Variants in GNAS-AS1 observed in about 807,000 individuals in gnomAD.
The protein encoded by GNAS-AS1 is GNAS antisense RNA 1 (non-protein coding).
chr20:58,845,709 G>A (rs532767719), intron 2 of GNAS-AS1, among the ~76,000 whole-genome samples: 2 of 152,132 alleles, frequency 1.3e-5, no homozygotes, highest in Non-Finnish European at 2.9e-5. Flanking sequence ...TTTTTCAAAC[G>A]CCTCCAATAG....
intron 2 of GNAS-AS1, among the ~76,000 whole-genome samples, chr20:58,844,413 G>A (rs976729825): frequency 1.3e-5 from 2 of 152,152 alleles, no homozygotes; most frequent in African/African-American, 4.8e-5. Context: ...TTGTTCTGTT[G>A]TGGGGTTTTG....
In GNAS-AS1 at chr20:58,841,572, G is replaced by A. The variant is rs536053674; in HGVS notation, n.819+365C>T. On this transcript the variant is annotated intron_variant and non_coding_transcript_variant, in intron 4 of 4. Transcript: ENST00000424094. This position sits in a 1 kb window ranked among gnomAD's most constrained non-coding sequence, Gnocchi z 5.0. ...TGGCCGCCACAGCCCGCCTCCCGTCGCTCGCGGGACAGAGACCGCCTCAAA... is the reference window on the plus strand; with the variant it reads ...TGGCCGCCACAGCCCGCCTCCCGTCACTCGCGGGACAGAGACCGCCTCAAA... The A allele has an allele frequency of 1.0e-5, 10 of 1,003,542 alleles. No homozygotes were observed. The South Asian group carries it at 4.7e-4, about 47-fold the overall frequency. The allele number at this position is 1,003,542 out of a possible 1,614,324, so 62.2% of individuals were successfully genotyped here.
chr20:58,822,330 T>TTTA (rs1395008839), intron 4 of GNAS-AS1, among the ~76,000 whole-genome samples: 2 of 152,134 alleles, frequency 1.3e-5, no homozygotes, highest in Non-Finnish European at 2.9e-5. Context: ...CAGGCCCCAC[T>TTTA]CAGAGATGAG....
rs1252513650 is a variant in GNAS-AS1 at position 58,840,338 on chromosome 20, G to A, written n.819+1599C>T. On this transcript the variant is annotated intron_variant and non_coding_transcript_variant, in intron 4 of 4. Transcript: ENST00000424094. This position sits in a 1 kb window ranked among gnomAD's most constrained non-coding sequence, Gnocchi z 6.0. Reference sequence around the variant, plus strand: ...CCGCTCCGGCGCCCAGGTATTCCCTGAGTCCCCCGAATCGGAATCTGACCA... The same window carrying A: ...CCGCTCCGGCGCCCAGGTATTCCCTAAGTCCCCCGAATCGGAATCTGACCA... 6.2e-7 allele frequency: 1 copy of A among 1,613,110 alleles called. No homozygotes were observed. Among genetic ancestry groups the A allele is most frequent in the Admixed American group, 1.7e-5 (1 of 60,022 alleles).
Position 58,841,712 on chromosome 20 carries a change from T to G in GNAS-AS1, n.819+225A>C. 1.6e-6 allele frequency: 2 copies of G among 1,216,586 alleles called. No homozygotes were observed. The highest frequency in any genetic ancestry group is 2.0e-6 in the Non-Finnish European group (2 of 978,540). 75.4% of individuals were successfully genotyped at this position (1,216,586 alleles called of 1,614,324 possible). On this transcript the variant is annotated intron_variant and non_coding_transcript_variant, in intron 4 of 4. Transcript: ENST00000424094. This position sits in a 1 kb window ranked among gnomAD's most constrained non-coding sequence, Gnocchi z 5.0. ...GTAAGGGGACCCTTGGGGATGCCCC[T>G]ACGGGCTACCAGGGTTGAACGCACA... is the stretch of plus-strand genomic sequence containing the variant.
At chr20:58,846,286 G>A (rs775850349) in intron 2 of GNAS-AS1, among the ~76,000 whole-genome samples, 1 of 152,168 alleles carries the variant, frequency 6.6e-6, no homozygotes, top group Non-Finnish European at 1.5e-5. Flanking sequence ...TCAAGTATCT[G>A]GTGGCTAAGG....
chr20:58,848,003 CTGTTCAGAGAGTCAATGG>C (rs2086001347), intron 2 of GNAS-AS1, among the ~76,000 whole-genome samples: 1 of 152,308 alleles, frequency 6.6e-6, no homozygotes, highest in South Asian at 2.1e-4. Flanking sequence ...TGTAATGGTG[CTGTTCAGAGAGTCAATGG>C]TAAAGAAATA....
chr20:58,828,628 A>C (rs1240795589), intron 4 of GNAS-AS1, among the ~76,000 whole-genome samples: 1 of 152,172 alleles, frequency 6.6e-6, no homozygotes, highest in African/African-American at 2.4e-5. Flanking sequence ...TTTGGTTGGA[A>C]ACTCAATTTG....
chr20:58,823,985 G>A (rs553974995), intron 4 of GNAS-AS1: 44 of 398,688 alleles, frequency 1.1e-4, no homozygotes, highest in Non-Finnish European at 1.6e-4. Flanking sequence ...CCTATGCAGC[G>A]AGGAAATCCC....
intron 4 of GNAS-AS1, chr20:58,839,656 G>A: frequency 2.3e-6 from 1 of 426,734 alleles, no homozygotes; most frequent in Non-Finnish European, 4.1e-6. Flanking sequence ...GCAGCTCGCG[G>A]GGAGGTGGCC....
intron 4 of GNAS-AS1, among the ~76,000 whole-genome samples, chr20:58,831,692 A>C (rs2085569680): frequency 6.6e-6 from 1 of 152,204 alleles, no homozygotes; most frequent in Non-Finnish European, 1.5e-5. Context: ...GTAGAATTCA[A>C]GCAGTTTTAT....
chr20:58,827,531 G>C (rs1223066079), intron 4 of GNAS-AS1, among the ~76,000 whole-genome samples: 1 of 152,222 alleles, frequency 6.6e-6, no homozygotes, highest in Non-Finnish European at 1.5e-5. Context: ...CTACGACATG[G>C]TCAGCAGTGC....
rs748443274 is a variant in GNAS-AS1 at position 58,840,457 on chromosome 20, C to T, written n.819+1480G>A. On this transcript the variant is annotated intron_variant and non_coding_transcript_variant, in intron 4 of 4. Transcript: ENST00000424094. The surrounding 1 kb of genome is among the most constrained non-coding windows in gnomAD (Gnocchi z 6.0). ...ACGAGACCGAGAGCGAGACCGAGTC[C>T]GAAATCGAGTCCGAGACCGACTTCG... 1 of 1,613,404 alleles carries T rather than the reference C, an allele frequency of 6.2e-7. No individual in the cohort carries two copies. Among genetic ancestry groups the T allele is most frequent in the South Asian group, 1.1e-5 (1 of 91,070 alleles).
chr20:58,844,424 A>C (rs1312230535), intron 2 of GNAS-AS1, among the ~76,000 whole-genome samples: 1 of 152,168 alleles, frequency 6.6e-6, no homozygotes, highest in Non-Finnish European at 1.5e-5. Flanking sequence ...TGGGGTTTTG[A>C]CACTAATGAC....
In GNAS-AS1 at chr20:58,841,022, G is replaced by T. The variant is rs2085698946; in HGVS notation, n.819+915C>A. On this transcript the variant is annotated intron_variant and non_coding_transcript_variant, in intron 4 of 4. Coordinates refer to ENST00000424094, the Ensembl canonical transcript of GNAS-AS1. This position sits in a 1 kb window ranked among gnomAD's most constrained non-coding sequence, Gnocchi z 5.0. ...CTCAGCTGGTCAGCCTGGGATCGGGGGTCAGGGTGAGGCGGCGAGGGCTCC... is the reference window on the plus strand; with the variant it reads ...CTCAGCTGGTCAGCCTGGGATCGGGTGTCAGGGTGAGGCGGCGAGGGCTCC... 9.6e-7 allele frequency: 1 copy of T among 1,043,082 alleles called. No homozygotes were observed. The highest frequency in any genetic ancestry group is 2.2e-5 in the Admixed American group (1 of 44,818). 64.6% of individuals were successfully genotyped at this position (1,043,082 alleles called of 1,614,324 possible).
exon 5 of GNAS-AS1, chr20:58,818,924 G>A: frequency 2.5e-6 from 1 of 398,156 alleles, no homozygotes; most frequent in Admixed American, 4.4e-5. Context: ...TGTCTGACAG[G>A]GTGCATCTGG....
intron 4 of GNAS-AS1, among the ~76,000 whole-genome samples, chr20:58,827,786 T>C (rs1310626076): frequency 2.6e-5 from 4 of 152,324 alleles, no homozygotes; most frequent in East Asian, 3.9e-4. Context: ...TGGAAACCCA[T>C]TATTTGTGAA....
At chr20:58,823,542 C>T (rs8125939) in intron 4 of GNAS-AS1, among the ~76,000 whole-genome samples, 2 of 152,212 alleles carry the variant, frequency 1.3e-5, no homozygotes, top group African/African-American at 4.8e-5. Context: ...CCCCGTCTCC[C>T]GACCCCAGTG....
Position 58,840,310 on chromosome 20 carries a change from C to T in GNAS-AS1, n.819+1627G>A, listed in dbSNP as rs1289595618. On this transcript the variant is annotated intron_variant and non_coding_transcript_variant, in intron 4 of 4. Coordinates refer to ENST00000424094, the Ensembl canonical transcript of GNAS-AS1. The surrounding 1 kb of genome is among the most constrained non-coding windows in gnomAD (Gnocchi z 6.0). The stretch of plus-strand genomic sequence containing the variant: ...AGCGCCGGAGCTTCCTTAACGCCCA[C>T]CACCGCTCCGGCGCCCAGGTATTCC... The T allele has an allele frequency of 6.2e-7, 1 of 1,612,856 alleles. No individual in the cohort carries two copies. The highest frequency in any genetic ancestry group is 8.5e-7 in the Non-Finnish European group (1 of 1,179,946).
Sources: allele counts gnomAD v4.1 joint callset (sites outside exome capture counted in the v4.1 genomes callset), GRCh38; gene constraint gnomAD v4.1.1; non-coding constraint Gnocchi (gnomAD v3.1); transcripts MANE v1.5; gene names NCBI Gene and HGNC (gene_info 2026-07-23, HGNC 2026-07-21).